Variants in DERA observed in about 807,000 individuals in gnomAD.
DERA encodes 2-deoxy-D-ribose 5-phosphate aldolase.
In DERA, 15 loss-of-function variants were observed where a neutral mutation model predicts 41.1. The observed-to-expected ratio is 0.37, with a 90% CI of 0.24 to 0.56. The LOEUF (loss-of-function observed/expected upper bound fraction) is 0.56, where lower values mean the gene tolerates loss of function less well. DERA is among the 20% of genes least tolerant of loss of function. The pLI is 0.81. For missense variants in DERA, 396 were observed against 403.4 expected, an observed-to-expected ratio of 0.98 and a Z score of 0.16; for synonymous variants, 139 against 137.4, an observed-to-expected ratio of 1.01 and a Z score of -0.08.
rs1162769969 is a variant in DERA at position 16,001,057 on chromosome 12, T to C, written c.637+18621T>C. The stretch of plus-strand genomic sequence containing the variant: ...TGAGTGGTTATTAAATACATTTTTC[T>C]GCTGGAGTTATTTTTGAAGTACATC... On this transcript the variant is annotated intron_variant, in intron 6 of 8. Coordinates refer to ENST00000428559, the MANE Select transcript of DERA (RefSeq NM_015954.4). The surrounding 1 kb of genome is among the most constrained non-coding windows in gnomAD (Gnocchi z 4.1). Among the ~76,000 whole-genome samples, 1 of 152,240 alleles carries C rather than the reference T, an allele frequency of 6.6e-6. No homozygotes were observed. Among genetic ancestry groups the C allele is most frequent in the African/African-American group, 2.4e-5 (1 of 41,462 alleles).
At position 15,938,956 on chromosome 12, in the gene DERA, C is replaced by G. The variant is rs1296147524; in HGVS notation, c.32-17980C>G. On this transcript the variant is annotated intron_variant, in intron 1 of 8. Coordinates refer to ENST00000428559, the MANE Select transcript of DERA (RefSeq NM_015954.4). The surrounding 1 kb of genome is among the most constrained non-coding windows in gnomAD (Gnocchi z 4.1). Reference sequence around the variant, plus strand: ...TAGTCTCCAGAGATGGACCACGTCTCTGGTATTGATGCCTTTGTGTAGTCC... The same window carrying G: ...TAGTCTCCAGAGATGGACCACGTCTGTGGTATTGATGCCTTTGTGTAGTCC... Among the ~76,000 whole-genome samples the G allele has an allele frequency of 6.6e-6, 1 of 152,160 alleles. No individual in the cohort carries two copies. Among genetic ancestry groups the G allele is most frequent in the Non-Finnish European group, 1.5e-5 (1 of 68,036 alleles).
chr12:15,916,484 T>TCTGTCACC (rs1283192135), intron 1 of DERA, among the ~76,000 whole-genome samples: 2 of 135,690 alleles, frequency 1.5e-5, no homozygotes, highest in Non-Finnish European at 3.1e-5. Flanking sequence ...AGAGTCTCAC[T>TCTGTCACC]CTGTCACCCA....
chr12:15,921,570 T>G lies in DERA; in HGVS notation c.31+10156T>G, dbSNP rs1044363939. Among the ~76,000 whole-genome samples the G allele has an allele frequency of 6.6e-6, 1 of 152,148 alleles. No homozygotes were observed. The highest frequency in any genetic ancestry group is 2.4e-5 in the African/African-American group (1 of 41,430). ...AGCTCAAGATCTGTATATTGTGGTA[T>G]TTTGAGGGAGATTATTTTTTCTTCA... On this transcript the variant is annotated intron_variant, in intron 1 of 8. Coordinates refer to ENST00000428559, the MANE Select transcript of DERA (RefSeq NM_015954.4). This position sits in a 1 kb window ranked among gnomAD's most constrained non-coding sequence, Gnocchi z 5.3.
rs548776120 is a variant in DERA, at chr12:16,024,661, AGCTGTAATCCACTCTTATTAC to A, written c.638-7859_638-7839del. ...AGAGCCTGTGTATTTTAGCTCTGTC[AGCTGTAATCCACTCTTATTAC>A]GCTGTAATCCACTCTTATTACACTG... On this transcript the variant is annotated intron_variant, in intron 6 of 8. Transcript: ENST00000428559. Among the ~76,000 whole-genome samples the A allele has an allele frequency of 4.9e-3, 747 of 152,312 alleles. 9 individuals are homozygous for A. The highest frequency in any genetic ancestry group is 0.017 in the African/African-American group (687 of 41,570).
chr12:15,965,580 AG>A lies in DERA; in HGVS notation c.508+2634del, dbSNP rs1488538391. On this transcript the variant is annotated intron_variant, in intron 5 of 8. Transcript: ENST00000428559. The surrounding 1 kb of genome is among the most constrained non-coding windows in gnomAD (Gnocchi z 4.1). ...CTTAACCATTTCTCATGGATGTGAG[AG>A]TCCACAGTTTAGGGTATGAATTCGA... Among the ~76,000 whole-genome samples, 3 of 152,066 alleles carry A rather than the reference AG, an allele frequency of 2.0e-5. No individual in the cohort carries two copies. Among genetic ancestry groups the A allele is most frequent in the Non-Finnish European group, 2.9e-5 (2 of 68,006 alleles).
chr12:16,012,456 G>A lies in DERA; in HGVS notation c.638-20086G>A, dbSNP rs1010727372. On this transcript the variant is annotated intron_variant, in intron 6 of 8. Transcript: ENST00000428559. This position sits in a 1 kb window ranked among gnomAD's most constrained non-coding sequence, Gnocchi z 4.1. ...TAGACATAAGGCATTCCAGGGCTGTGCTCCCCTGTCCCTTAAAGAGATATT... is the reference window on the plus strand; with the variant it reads ...TAGACATAAGGCATTCCAGGGCTGTACTCCCCTGTCCCTTAAAGAGATATT... 6.6e-6 allele frequency among the ~76,000 whole-genome samples: 1 copy of A among 152,196 alleles called. No homozygotes were observed. The highest frequency in any genetic ancestry group is 1.9e-4 in the East Asian group (1 of 5,194).
intron 1 of DERA, among the ~76,000 whole-genome samples, chr12:15,917,957 G>A (rs1173478150): frequency 6.6e-6 from 1 of 152,116 alleles, no homozygotes; most frequent in African/African-American, 2.4e-5. Context: ...TGTATGTACT[G>A]TATACACACA....
chr12:15,982,289 C>T lies in DERA; in HGVS notation c.509-19C>T, dbSNP rs1285410280. 1 of 1,603,484 alleles carries T rather than the reference C, an allele frequency of 6.2e-7. No individual in the cohort carries two copies. The highest frequency in any genetic ancestry group is 1.8e-5 in the Admixed American group (1 of 57,044). On this transcript the variant is annotated intron_variant, in intron 5 of 8. Coordinates refer to ENST00000428559, the MANE Select transcript of DERA (RefSeq NM_015954.4). The surrounding 1 kb of genome is among the most constrained non-coding windows in gnomAD (Gnocchi z 4.0). ...TCACTTGCCTGCTTTGTAACTGCCTCAATTATTTTCTTCCCCAGCCCTGTA... is the reference window on the plus strand; with the variant it reads ...TCACTTGCCTGCTTTGTAACTGCCTTAATTATTTTCTTCCCCAGCCCTGTA...
intron 5 of DERA, among the ~76,000 whole-genome samples, chr12:15,973,515 A>C (rs1352886065): frequency 1.3e-5 from 2 of 150,724 alleles, no homozygotes; most frequent in East Asian, 3.9e-4. Flanking sequence ...CATATATTAC[A>C]TGTGAATATG....
Position 15,936,191 on chromosome 12 carries a change from A to C in DERA, c.32-20745A>C, listed in dbSNP as rs1410268312. The stretch of plus-strand genomic sequence containing the variant: ...CTCTGTTAATTATGGAAGGGGCATG[A>C]ATACTAGGAGGAGAGAATCATTGTG... On this transcript the variant is annotated intron_variant, in intron 1 of 8. Transcript: ENST00000428559. The surrounding 1 kb of genome is among the most constrained non-coding windows in gnomAD (Gnocchi z 4.6). 6.6e-6 allele frequency among the ~76,000 whole-genome samples: 1 copy of C among 152,240 alleles called. No homozygotes were observed. Among genetic ancestry groups the C allele is most frequent in the East Asian group, 1.9e-4 (1 of 5,204 alleles).
At position 15,989,027 on chromosome 12, in the gene DERA, G is replaced by T. The variant is rs564052744; in HGVS notation, c.637+6591G>T. 3.2e-4 allele frequency among the ~76,000 whole-genome samples: 48 copies of T among 152,352 alleles called. No individual in the cohort carries two copies. Among genetic ancestry groups the T allele is most frequent in the African/African-American group, 1.1e-3 (46 of 41,598 alleles). Reference sequence around the variant, plus strand: ...GAGAAGGCTCCAGGAGTAGGGAGAGGCCAGGGAGTGGGACCAGGTACTTCT... The same window carrying T: ...GAGAAGGCTCCAGGAGTAGGGAGAGTCCAGGGAGTGGGACCAGGTACTTCT... On this transcript the variant is annotated intron_variant, in intron 6 of 8. Coordinates refer to ENST00000428559, the MANE Select transcript of DERA (RefSeq NM_015954.4). This position sits in a 1 kb window ranked among gnomAD's most constrained non-coding sequence, Gnocchi z 5.2.
Position 16,012,003 on chromosome 12 carries a change from C to G in DERA, c.638-20539C>G, listed in dbSNP as rs1202887914. ...ATTTTTCTAAATTAGGCAATCAAAC[C>G]AAGAAAAAACACATAAAACATGCAT... On this transcript the variant is annotated intron_variant, in intron 6 of 8. Transcript: ENST00000428559. The surrounding 1 kb of genome is among the most constrained non-coding windows in gnomAD (Gnocchi z 4.1). 6.7e-6 allele frequency among the ~76,000 whole-genome samples: 1 copy of G among 148,518 alleles called. No homozygotes were observed. The highest frequency in any genetic ancestry group is 2.6e-5 in the African/African-American group (1 of 38,124).
At chr12:15,953,055 T>C (rs894655258) in intron 1 of DERA, among the ~76,000 whole-genome samples, 1 of 152,148 alleles carries the variant, frequency 6.6e-6, no homozygotes, top group African/African-American at 2.4e-5. Flanking sequence ...TAGATACAAG[T>C]GGCACCTTCT....
intron 6 of DERA, among the ~76,000 whole-genome samples, chr12:15,997,197 A>T (rs1948843914): frequency 6.6e-6 from 1 of 152,070 alleles, no homozygotes; most frequent in African/African-American, 2.4e-5. Flanking sequence ...AAACTAAATG[A>T]CTGATAATAA....
rs1592033094 is a variant in DERA, at chr12:15,982,043, A to G, written c.509-265A>G. Among the ~76,000 whole-genome samples the G allele has an allele frequency of 1.3e-5, 2 of 152,326 alleles. No homozygotes were observed. The highest frequency in any genetic ancestry group is 4.1e-4 in the South Asian group (2 of 4,828). ...AGAAATTATTTATAATTTGCATGTC[A>G]TTATGATATTTAAAAAGCTCTATGT... On this transcript the variant is annotated intron_variant, in intron 5 of 8. Coordinates refer to ENST00000428559, the MANE Select transcript of DERA (RefSeq NM_015954.4). This position sits in a 1 kb window ranked among gnomAD's most constrained non-coding sequence, Gnocchi z 4.0.
In DERA at chr12:15,995,678, G is replaced by T. The variant is rs1406433815; in HGVS notation, c.637+13242G>T. 6.6e-6 allele frequency among the ~76,000 whole-genome samples: 1 copy of T among 152,164 alleles called. No individual in the cohort carries two copies. Reference sequence around the variant, plus strand: ...GGAATAGAGTAGGGAGGATGGAGGGGTATGGGAGAATGGAAGTGGTATCAG... The same window carrying T: ...GGAATAGAGTAGGGAGGATGGAGGGTTATGGGAGAATGGAAGTGGTATCAG... On this transcript the variant is annotated intron_variant, in intron 6 of 8. Transcript: ENST00000428559. This position sits in a 1 kb window ranked among gnomAD's most constrained non-coding sequence, Gnocchi z 5.1.
chr12:16,016,063 G>A (rs548924994), intron 6 of DERA, among the ~76,000 whole-genome samples: 1 of 152,240 alleles, frequency 6.6e-6, no homozygotes, highest in East Asian at 1.9e-4. Flanking sequence ...TTTCTCACAT[G>A]GGTAGCTAAT....
At chr12:16,016,914 CT>C (rs1948986781) in intron 6 of DERA, among the ~76,000 whole-genome samples, 1 of 151,102 alleles carries the variant, frequency 6.6e-6, no homozygotes. Context: ...TTTTGAACAC[CT>C]TAAGTTTTAA....
chr12:15,947,771 T>C (rs1948462808), intron 1 of DERA, among the ~76,000 whole-genome samples: 1 of 152,224 alleles, frequency 6.6e-6, no homozygotes, highest in Non-Finnish European at 1.5e-5. Context: ...CTGGTTATTT[T>C]GCTTGTTAGT....
Sources: allele counts gnomAD v4.1 joint callset (sites outside exome capture counted in the v4.1 genomes callset), GRCh38; gene constraint gnomAD v4.1.1; non-coding constraint Gnocchi (gnomAD v3.1); transcripts MANE v1.5; gene names NCBI Gene and HGNC (gene_info 2026-07-23, HGNC 2026-07-21).